MYO3B: variants seen among roughly 807,000 people sequenced by gnomAD.
The protein encoded by MYO3B is myosin-IIIb.
In MYO3B, 156 loss-of-function variants were observed where a neutral mutation model predicts 174.6. The ratio of observed to expected loss-of-function variants is 0.89; its 90% CI spans 0.78 to 1.02. The LOEUF is 1.02. Ranked by LOEUF, MYO3B falls within the 50% of genes least tolerant of loss-of-function variation. The pLI is 0.00. For missense variants in MYO3B, 1,632 were observed against 1,639.4 expected, an observed-to-expected ratio of 1.00 and a Z score of 0.08; for synonymous variants, 563 against 569.1, an observed-to-expected ratio of 0.99 and a Z score of 0.15.
At chr2:170,524,864 A>G (rs1688907692) in intron 30 of MYO3B, among the ~76,000 whole-genome samples, 1 of 152,166 alleles carries the variant, frequency 6.6e-6, no homozygotes, top group Non-Finnish European at 1.5e-5. Flanking sequence ...ACATTGAGAG[A>G]TCACAAGTAA....
intron 7 of MYO3B, among the ~76,000 whole-genome samples, chr2:170,300,387 C>T (rs1420418903): frequency 6.6e-6 from 1 of 152,112 alleles, no homozygotes; most frequent in Admixed American, 6.6e-5. Context: ...ATTATGACTC[C>T]ATTATTTTAA....
intron 16 of MYO3B, among the ~76,000 whole-genome samples, chr2:170,397,718 C>T (rs1404527466): frequency 2.6e-5 from 4 of 152,130 alleles, no homozygotes; most frequent in Non-Finnish European, 4.4e-5. Context: ...ACCCTCTCCA[C>T]CTGGAGTTAG....
In MYO3B at chr2:170,461,526, A is replaced by C. The variant is rs190632643; in HGVS notation, c.2731-1842A>C. The stretch of plus-strand genomic sequence containing the variant: ...CACGGTGGCTCAAGTCTGTAATCCT[A>C]GCACTTTGGGAGGCCGAGGCAGGCA... On this transcript the variant is annotated intron_variant, in intron 23 of 34. Transcript: ENST00000408978. Among the ~76,000 whole-genome samples the C allele has an allele frequency of 5.3e-5, 8 of 151,278 alleles. No homozygotes were observed. In the East Asian group the frequency reaches 1.6e-3, roughly 29 times the overall value.
intron 7 of MYO3B, among the ~76,000 whole-genome samples, chr2:170,308,819 G>A (rs559825333): frequency 6.6e-6 from 1 of 152,128 alleles, no homozygotes; most frequent in Non-Finnish European, 1.5e-5. Context: ...GTCACTCATG[G>A]AAAAATGCCT....
intron 7 of MYO3B, among the ~76,000 whole-genome samples, chr2:170,279,130 C>G (rs901224376): frequency 1.3e-4 from 20 of 151,960 alleles, no homozygotes; most frequent in African/African-American, 4.8e-4. Context: ...GATTCCCTTT[C>G]CTTTGGGTAA....
At chr2:170,614,400 T>C (rs984601649) in intron 32 of MYO3B, among the ~76,000 whole-genome samples, 1 of 152,168 alleles carries the variant, frequency 6.6e-6, no homozygotes, top group Non-Finnish European at 1.5e-5. Context: ...GGGCTCTCTT[T>C]GGAGTAGAGA....
intron 25 of MYO3B, among the ~76,000 whole-genome samples, chr2:170,497,503 CTA>C (rs1686942046): frequency 6.6e-6 from 1 of 152,074 alleles, no homozygotes; most frequent in African/African-American, 2.4e-5. Flanking sequence ...GTAGTCCCAG[CTA>C]CTCAGGACGC....
At chr2:170,519,881 G>A (rs1250069429) in intron 30 of MYO3B, 1 of 203,154 alleles carries the variant, frequency 4.9e-6, no homozygotes, top group Non-Finnish European at 9.9e-6. Flanking sequence ...GCTGAGGCAG[G>A]AGAATCACTT....
chr2:170,431,530 T>C (rs1400079774), intron 22 of MYO3B, among the ~76,000 whole-genome samples: 1 of 152,232 alleles, frequency 6.6e-6, no homozygotes, highest in Non-Finnish European at 1.5e-5. Flanking sequence ...CTGTAGTTTA[T>C]ATTCTAAAGA....
At chr2:170,600,614 T>C (rs545772685) in intron 32 of MYO3B, among the ~76,000 whole-genome samples, 2 of 152,314 alleles carry the variant, frequency 1.3e-5, no homozygotes, top group Admixed American at 1.3e-4. Flanking sequence ...CATATTTAGA[T>C]AAATGGGAAA....
At chr2:170,632,680 C>T (rs917376936) in intron 32 of MYO3B, among the ~76,000 whole-genome samples, 9 of 151,964 alleles carry the variant, frequency 5.9e-5, no homozygotes, top group Non-Finnish European at 1.2e-4. Context: ...TTCAAAAAAA[C>T]CAACGAATCC....
At chr2:170,522,025 T>C (rs1460790418) in intron 30 of MYO3B, among the ~76,000 whole-genome samples, 3 of 152,176 alleles carry the variant, frequency 2.0e-5, no homozygotes, top group African/African-American at 7.2e-5. Flanking sequence ...TTCAGGTGCT[T>C]GCTCAGAGGT....
At chr2:170,278,352 A>G (rs958831501) in intron 7 of MYO3B, among the ~76,000 whole-genome samples, 2 of 152,184 alleles carry the variant, frequency 1.3e-5, no homozygotes, top group Admixed American at 6.5e-5. Context: ...CCCTTATAAA[A>G]GAGCTCTTTA....
intron 3 of MYO3B, among the ~76,000 whole-genome samples, chr2:170,213,298 C>T (rs547984146): frequency 1.3e-5 from 2 of 152,178 alleles, no homozygotes; most frequent in South Asian, 2.1e-4. Context: ...TGAGCAATTC[C>T]TGTCCCTTTT....
intron 7 of MYO3B, among the ~76,000 whole-genome samples, chr2:170,296,752 G>A (rs558302668): frequency 5.3e-5 from 8 of 152,304 alleles, no homozygotes; most frequent in African/African-American, 1.7e-4. Context: ...TCCACAGGCT[G>A]TAAAGGAAGC....
chr2:170,596,143 T>C (rs1694132493), intron 32 of MYO3B, among the ~76,000 whole-genome samples: 2 of 152,242 alleles, frequency 1.3e-5, no homozygotes, highest in Non-Finnish European at 2.9e-5. Flanking sequence ...CCCAAGAGCA[T>C]GATACAGTCA....
At chr2:170,620,598 C>G (rs1479235691) in intron 32 of MYO3B, among the ~76,000 whole-genome samples, 1 of 152,206 alleles carries the variant, frequency 6.6e-6, no homozygotes. Flanking sequence ...TGATTATTCA[C>G]AAGACAGTAG....
intron 28 of MYO3B, among the ~76,000 whole-genome samples, chr2:170,503,459 CT>C (rs10650053): frequency 0.3 from 29,423 of 97,550 alleles, 5,590 homozygotes; most frequent in East Asian, 0.48. Flanking sequence ...GGGTGTCTCC[CT>C]TTTTTTTTTT....
chr2:170,208,217 A>G (rs1238621845), intron 3 of MYO3B, among the ~76,000 whole-genome samples: 1 of 152,126 alleles, frequency 6.6e-6, no homozygotes, highest in Non-Finnish European at 1.5e-5. Flanking sequence ...CTTGGAATTG[A>G]GTTTGGGACA....
Sources: gnomAD v4.1 joint callset for allele counts (sites outside exome capture counted in the v4.1 genomes callset) on GRCh38, gnomAD v4.1.1 for gene constraint, MANE v1.5 for transcripts, NCBI Gene and HGNC (gene_info 2026-07-23, HGNC 2026-07-21) for gene names.